The following PARD3B variants were observed in gnomAD, a reference collection of about 807,000 sequenced individuals.
The protein encoded by PARD3B is par-3 family cell polarity regulator beta.
In PARD3B, 103 loss-of-function variants were observed where a neutral mutation model predicts 130.2. The observed-to-expected ratio is 0.79, with a 90% CI of 0.67 to 0.93. The LOEUF is 0.93. Among genes scored for constraint, PARD3B ranks in the 40% least tolerant of loss-of-function variants. The pLI, the probability that PARD3B is intolerant of heterozygous loss-of-function variation, is 0.00. For missense variants in PARD3B, 1,609 were observed against 1,499.2 expected, an observed-to-expected ratio of 1.07 and a Z score of -1.21; for synonymous variants, 583 against 553.2, an observed-to-expected ratio of 1.05 and a Z score of -0.76.
chr2:205,426,664 C>T (rs927179008), intron 19 of PARD3B, among the ~76,000 whole-genome samples: 14 of 152,172 alleles, frequency 9.2e-5, no homozygotes, highest in Non-Finnish European at 1.8e-4. Context: ...CTGCCTACAA[C>T]TTCCTAGCAC....
rs752354085 is a variant in PARD3B, at chr2:205,176,577, G to A, written c.1924G>A (p.Gly642Ser). 1.9e-6 allele frequency: 3 copies of A among 1,596,804 alleles called. No homozygotes were observed. Among genetic ancestry groups the A allele is most frequent in the East Asian group, 4.5e-5 (2 of 44,166 alleles). ...TTGCAGTCCACAAGACAAACAGAAA[G>A]GTAAGAGTCTATTCATTTTATCCAC... is the stretch of plus-strand genomic sequence containing the variant. ...GTCSPQDKQK[G>S]LLLPNDGWAE... Residue 642 changes from glycine to serine, a missense_variant and splice_region_variant, in exon 13 of 23, where the codon GGT (glycine) becomes AGT (serine). Physicochemically the swap from Gly to Ser is moderately conservative, Grantham distance 56 (BLOSUM62 0). Coordinates refer to ENST00000406610, the MANE Select transcript of PARD3B (RefSeq NM_001302769.2). This position sits in a 1 kb window ranked among gnomAD's most constrained non-coding sequence, Gnocchi z 5.3.
intron 2 of PARD3B, among the ~76,000 whole-genome samples, chr2:204,902,561 C>T (rs1479576033): frequency 2.7e-5 from 4 of 148,276 alleles, no homozygotes; most frequent in East Asian, 4.1e-4. Flanking sequence ...CCCAGCTGCT[C>T]GGGAGGCTGA....
intron 22 of PARD3B, among the ~76,000 whole-genome samples, chr2:205,560,772 G>T (rs765802681): frequency 6.6e-6 from 1 of 152,196 alleles, no homozygotes; most frequent in Non-Finnish European, 1.5e-5. Context: ...TTTCAACTTG[G>T]CTGCGCAATG....
chr2:205,514,120 C>G (rs767291228), intron 21 of PARD3B, among the ~76,000 whole-genome samples: 2 of 152,166 alleles, frequency 1.3e-5, no homozygotes, highest in Non-Finnish European at 2.9e-5. Flanking sequence ...CTGCATCACA[C>G]TGTCCCAATT....
At chr2:205,570,434 G>C (rs1391004560) in intron 22 of PARD3B, among the ~76,000 whole-genome samples, 1 of 152,126 alleles carries the variant, frequency 6.6e-6, no homozygotes, top group Non-Finnish European at 1.5e-5. Context: ...AAAAACTTAT[G>C]AGAAGAAAAT....
intron 3 of PARD3B, among the ~76,000 whole-genome samples, chr2:205,023,550 T>G (rs1395599431): frequency 1.9e-5 from 1 of 52,730 alleles, no homozygotes; most frequent in Non-Finnish European, 3.6e-5. Flanking sequence ...CCCCGCCAAA[T>G]CCCCCTGTTT....
intron 20 of PARD3B, among the ~76,000 whole-genome samples, chr2:205,489,698 G>T (rs1187437434): frequency 1.3e-5 from 2 of 151,918 alleles, no homozygotes; most frequent in Non-Finnish European, 2.9e-5. Context: ...ACACAGTCAG[G>T]AGGTCATTGT....
chr2:205,018,262 C>G (rs879557058), intron 3 of PARD3B, among the ~76,000 whole-genome samples: 1 of 152,100 alleles, frequency 6.6e-6, no homozygotes, highest in East Asian at 1.9e-4. Flanking sequence ...GGCATTCACA[C>G]CCTGGTGTAA....
Position 204,596,214 on chromosome 2 carries a change from A to G in PARD3B, c.120+50095A>G, listed in dbSNP as rs537000471. Reference sequence around the variant, plus strand: ...TTTTGCTTTGAACAAACTTTTTGTGAAAAATTTCAAACTCATACAAATAGA... The same window carrying G: ...TTTTGCTTTGAACAAACTTTTTGTGGAAAATTTCAAACTCATACAAATAGA... On this transcript the variant is annotated intron_variant, in intron 1 of 22. Coordinates refer to ENST00000406610, the MANE Select transcript of PARD3B (RefSeq NM_001302769.2). 2.6e-3 allele frequency among the ~76,000 whole-genome samples: 396 copies of G among 152,290 alleles called. 3 individuals carry two copies. Among genetic ancestry groups the G allele is most frequent in the African/African-American group, 9.2e-3 (382 of 41,566 alleles).
intron 3 of PARD3B, among the ~76,000 whole-genome samples, chr2:205,041,763 C>T (rs1314342208): frequency 1.3e-5 from 2 of 152,076 alleles, no homozygotes; most frequent in South Asian, 4.1e-4. Context: ...ACTCCCCATA[C>T]AATTTAGAAC....
intron 1 of PARD3B, among the ~76,000 whole-genome samples, chr2:204,634,822 T>G (rs927871209): frequency 6.6e-6 from 1 of 152,204 alleles, no homozygotes; most frequent in Non-Finnish European, 1.5e-5. Context: ...TTAGGTCTAT[T>G]ATTTCATTGG....
At chr2:204,815,765 T>C (rs1170792093) in intron 2 of PARD3B, among the ~76,000 whole-genome samples, 1 of 152,062 alleles carries the variant, frequency 6.6e-6, no homozygotes, top group African/African-American at 2.4e-5. Context: ...TTTTGATTTC[T>C]TCATTGACCC....
At chr2:205,138,113 T>A (rs1187733473) in intron 10 of PARD3B, among the ~76,000 whole-genome samples, 1 of 152,228 alleles carries the variant, frequency 6.6e-6, no homozygotes, top group African/African-American at 2.4e-5. Context: ...AGCCCAGGAC[T>A]GTCAGTAGAT....
chr2:205,185,629 G>C, intron 13 of PARD3B, 135 bp from the exon 14 acceptor site: 1 of 654,856 alleles, frequency 1.5e-6, no homozygotes, highest in Non-Finnish European at 2.8e-6. Context: ...CTTCAGTTCT[G>C]TATGAGAACT....
At chr2:204,982,013 C>G (rs1437377702) in intron 3 of PARD3B, among the ~76,000 whole-genome samples, 1 of 152,026 alleles carries the variant, frequency 6.6e-6, no homozygotes, top group Non-Finnish European at 1.5e-5. Flanking sequence ...GTATATAAAT[C>G]TTGGAGTTAT....
At chr2:204,831,783 G>T (rs2043831656) in intron 2 of PARD3B, among the ~76,000 whole-genome samples, 1 of 152,040 alleles carries the variant, frequency 6.6e-6, no homozygotes, top group Non-Finnish European at 1.5e-5. Flanking sequence ...CAAACAACAG[G>T]AATGTATGAG....
chr2:204,546,419 C>T (rs971506197), intron 1 of PARD3B, among the ~76,000 whole-genome samples: 3 of 152,220 alleles, frequency 2.0e-5, no homozygotes, highest in East Asian at 1.9e-4. Flanking sequence ...TAACGAGATC[C>T]CCAGGTGATT....
intron 19 of PARD3B, among the ~76,000 whole-genome samples, chr2:205,422,256 A>G (rs1268252186): frequency 6.6e-6 from 1 of 152,200 alleles, no homozygotes; most frequent in Non-Finnish European, 1.5e-5. Flanking sequence ...TTGGAGTTGA[A>G]TAACTAAGGG....
intron 3 of PARD3B, among the ~76,000 whole-genome samples, chr2:205,044,220 G>C (rs1245809398): frequency 6.6e-5 from 10 of 150,476 alleles, no homozygotes; most frequent in East Asian, 3.9e-4. Context: ...GGACATTTGG[G>C]TTGGTTCCAA....
Sources: allele counts gnomAD v4.1 joint callset (sites outside exome capture counted in the v4.1 genomes callset), GRCh38; gene constraint gnomAD v4.1.1; non-coding constraint Gnocchi (gnomAD v3.1); transcripts MANE v1.5; gene names NCBI Gene and HGNC (gene_info 2026-07-23, HGNC 2026-07-21).